The following PCDH15 variants were observed in gnomAD, a reference collection of about 807,000 sequenced individuals.
PCDH15 encodes the protein protocadherin-15.
Under a neutral mutation model 178.5 loss-of-function variants are expected in PCDH15, and 129 were observed. That is an observed-to-expected ratio of 0.72 (90% CI 0.63 to 0.84). The LOEUF (loss-of-function observed/expected upper bound fraction) is 0.84, where lower values mean the gene tolerates loss of function less well. Ranked by LOEUF, PCDH15 falls within the 40% of genes least tolerant of loss-of-function variation. PCDH15 has a pLI of 0.00. For missense variants in PCDH15, 2,230 were observed against 2,099.9 expected (o/e 1.06, Z -1.21); for synonymous variants, 800 against 732.0 (o/e 1.09, Z -1.50).
At chr10:54,602,852 G>T (rs924757812) in intron 2 of PCDH15, among the ~76,000 whole-genome samples, 1 of 151,854 alleles carries the variant, frequency 6.6e-6, no homozygotes, top group East Asian at 1.9e-4. Context: ...TCAATGTGTT[G>T]TTGCATTCAG....
At chr10:54,509,296 G>A (rs570536990) in intron 3 of PCDH15, among the ~76,000 whole-genome samples, 5 of 152,084 alleles carry the variant, frequency 3.3e-5, no homozygotes, top group South Asian at 4.2e-4. Context: ...TACTGTTCTC[G>A]TGGTAGTGAA....
chr10:54,288,846 A>T (rs567497865), intron 8 of PCDH15, among the ~76,000 whole-genome samples: 1 of 152,322 alleles, frequency 6.6e-6, no homozygotes, highest in East Asian at 1.9e-4. Flanking sequence ...TGAGTAGGTA[A>T]ACAAAGCAGC....
chr10:54,909,599 C>A (rs1954785308), intron 2 of PCDH15, among the ~76,000 whole-genome samples: 1 of 152,088 alleles, frequency 6.6e-6, no homozygotes, highest in Admixed American at 6.5e-5. Flanking sequence ...GGAGGCATTC[C>A]TGGGCCCTCA....
chr10:54,969,576 G>T (rs916384795), intron 2 of PCDH15, among the ~76,000 whole-genome samples: 1 of 152,142 alleles, frequency 6.6e-6, no homozygotes, highest in East Asian at 1.9e-4. Flanking sequence ...CTCATGGTCT[G>T]CCCCTTTGTA....
At chr10:55,520,203 ATGTG>A in intron 2 of PCDH15, among the ~76,000 whole-genome samples, 1 of 61,502 alleles carries the variant, frequency 1.6e-5, no homozygotes, top group African/African-American at 7.3e-5. Flanking sequence ...TATACACGCA[ATGTG>A]TATATATATA....
chr10:53,870,481 G>A (rs970749221), intron 26 of PCDH15, among the ~76,000 whole-genome samples: 5 of 152,074 alleles, frequency 3.3e-5, no homozygotes, highest in Admixed American at 6.5e-5. Context: ...GAATATGATA[G>A]TCTTTGGGAT....
At chr10:55,423,478 CA>C (rs1193443628) in intron 2 of PCDH15, among the ~76,000 whole-genome samples, 1 of 151,372 alleles carries the variant, frequency 6.6e-6, no homozygotes, top group Non-Finnish European at 1.5e-5. Context: ...TGAGGAAAAC[CA>C]AAAAAACATA....
At chr10:54,134,693 C>T (rs1020250489) in intron 14 of PCDH15, among the ~76,000 whole-genome samples, 21 of 149,276 alleles carry the variant, frequency 1.4e-4, no homozygotes, top group African/African-American at 4.7e-4. Flanking sequence ...GCCGAGCTTG[C>T]AGTGAGCCAA....
intron 3 of PCDH15, among the ~76,000 whole-genome samples, chr10:54,455,447 G>T (rs1299173961): frequency 6.6e-6 from 1 of 152,128 alleles, no homozygotes; most frequent in African/African-American, 2.4e-5. Context: ...CTAAGTCAAT[G>T]TTGAGGTCTT....
At chr10:54,591,697 TA>T (rs1274560517) in intron 2 of PCDH15, among the ~76,000 whole-genome samples, 2 of 152,204 alleles carry the variant, frequency 1.3e-5, no homozygotes, top group East Asian at 3.9e-4. Flanking sequence ...ATCTAATGAA[TA>T]AAACCAAAAA....
At chr10:54,899,578 C>A (rs1229324853) in intron 2 of PCDH15, among the ~76,000 whole-genome samples, 1 of 149,930 alleles carries the variant, frequency 6.7e-6, no homozygotes, top group Non-Finnish European at 1.5e-5. Context: ...CTCACTGTAA[C>A]CCCCGCCTCC....
chr10:53,971,559 C>T (rs984510708), intron 21 of PCDH15, among the ~76,000 whole-genome samples: 25 of 152,148 alleles, frequency 1.6e-4, no homozygotes, highest in Non-Finnish European at 2.1e-4. Flanking sequence ...AGCCCAAAAC[C>T]TCCTTAAGCT....
intron 3 of PCDH15, among the ~76,000 whole-genome samples, chr10:54,519,381 A>T (rs1422088894): frequency 1.3e-5 from 2 of 152,004 alleles, no homozygotes; most frequent in African/African-American, 4.8e-5. Context: ...ATACAAAATC[A>T]ATGTACAAAA....
intron 8 of PCDH15, among the ~76,000 whole-genome samples, chr10:54,294,144 A>C (rs1320142394): frequency 2.0e-5 from 3 of 152,206 alleles, no homozygotes. Flanking sequence ...AGCCATAAAA[A>C]AGGATGAGTT....
At chr10:53,999,882 G>T (rs1035304732) in intron 20 of PCDH15, among the ~76,000 whole-genome samples, 1 of 152,130 alleles carries the variant, frequency 6.6e-6, no homozygotes, top group African/African-American at 2.4e-5. Context: ...GGTTACAGCA[G>T]GTCTTGGACA....
At chr10:54,961,392 A>G (rs1185155249) in intron 2 of PCDH15, among the ~76,000 whole-genome samples, 1 of 152,188 alleles carries the variant, frequency 6.6e-6, no homozygotes, top group Non-Finnish European at 1.5e-5. Context: ...TATGGATGGC[A>G]TGTTGATGGT....
intron 9 of PCDH15, among the ~76,000 whole-genome samples, chr10:54,224,208 A>G (rs1396558294): frequency 6.6e-6 from 1 of 152,224 alleles, no homozygotes; most frequent in Non-Finnish European, 1.5e-5. Context: ...GTCAGTTTCA[A>G]TAAAACACTG....
At chr10:55,235,008 T>C (rs531948294) in intron 1 of PCDH15, among the ~76,000 whole-genome samples, 1 of 152,038 alleles carries the variant, frequency 6.6e-6, no homozygotes, top group Non-Finnish European at 1.5e-5. Flanking sequence ...AACCCTGCCA[T>C]GTACAGCCAC....
chr10:55,451,075 G>A (rs931723228), intron 2 of PCDH15, among the ~76,000 whole-genome samples: 4 of 150,938 alleles, frequency 2.7e-5, no homozygotes, highest in Non-Finnish European at 4.4e-5. Flanking sequence ...GGCATGATAG[G>A]CCAGGAAGTT....
Sources: gnomAD v4.1 joint callset for allele counts (sites outside exome capture counted in the v4.1 genomes callset) on GRCh38, gnomAD v4.1.1 for gene constraint, MANE v1.5 for transcripts, NCBI Gene and HGNC (gene_info 2026-07-23, HGNC 2026-07-21) for gene names.